Variants in KCNB2 observed in about 807,000 individuals in gnomAD.
KCNB2 encodes the protein delayed rectifier potassium channel protein.
Under a neutral mutation model 61.5 loss-of-function variants are expected in KCNB2, and 15 were observed. That is an observed-to-expected ratio of 0.24 (90% confidence interval 0.16 to 0.38). The LOEUF (loss-of-function observed/expected upper bound fraction) is 0.38. Ranked by LOEUF, KCNB2 falls within the 10% of genes least tolerant of loss-of-function variation. KCNB2 has a pLI of 1.00. For synonymous variants in KCNB2, 457 were observed against 446.0 expected, an observed-to-expected ratio of 1.02 and a Z score of -0.31; for missense variants, 828 against 1,125.2, an observed-to-expected ratio of 0.74 and a Z score of 3.78.
chr8:72,660,876 T>A (rs1806369478), intron 2 of KCNB2: 1 of 152,236 alleles, frequency 6.6e-6, no homozygotes, highest in African/African-American at 2.4e-5. Context: ...AAGTTTCTCC[T>A]GGAGTTTTTG....
intron 2 of KCNB2, among the ~76,000 whole-genome samples, chr8:72,875,538 C>CTTTTTTTTTTTTTT (rs1202722527): frequency 1.3e-4 from 1 of 7,650 alleles, no homozygotes; most frequent in Admixed American, 8.9e-4. Context: ...CATTGCAAAT[C>CTTTTTTTTTTTTTT]TTTTTTTTTT....
intron 2 of KCNB2, among the ~76,000 whole-genome samples, chr8:72,731,284 A>T (rs1446670582): frequency 6.6e-6 from 1 of 152,204 alleles, no homozygotes; most frequent in East Asian, 1.9e-4. Context: ...TATATCAGTG[A>T]TGAATAGTTC....
intron 2 of KCNB2, among the ~76,000 whole-genome samples, chr8:72,594,746 T>A (rs1362887642): frequency 1.3e-5 from 2 of 152,196 alleles, no homozygotes; most frequent in Non-Finnish European, 2.9e-5. Context: ...ATCCCTGCCC[T>A]ACATGTTACT....
At chr8:72,811,405 G>A (rs1440342) in intron 2 of KCNB2, among the ~76,000 whole-genome samples, 19,864 of 151,824 alleles carry the variant, frequency 0.13, 1,630 homozygotes, top group East Asian at 0.41. Flanking sequence ...ATCTTTTCAC[G>A]TGTCCAAGTC....
intron 1 of KCNB2, among the ~76,000 whole-genome samples, chr8:72,553,401 C>G (rs978341339): frequency 2.4e-4 from 36 of 151,886 alleles, no homozygotes; most frequent in African/African-American, 8.7e-4. Flanking sequence ...AGGCAAAAAT[C>G]TGAAATATCA....
chr8:72,843,291 G>T (rs1809926798), intron 2 of KCNB2, among the ~76,000 whole-genome samples: 1 of 152,158 alleles, frequency 6.6e-6, no homozygotes, highest in Non-Finnish European at 1.5e-5. Flanking sequence ...TTGTACTGTG[G>T]TCTGAGAGAC....
At position 72,567,805 on chromosome 8, in the gene KCNB2, C is replaced by A; in HGVS notation, c.71C>A (p.Pro24His). 1 of 1,613,034 alleles carries A rather than the reference C, an allele frequency of 6.2e-7. No homozygotes were observed. Among genetic ancestry groups the A allele is most frequent in the Non-Finnish European group, 8.5e-7 (1 of 1,179,686 alleles). Residue 24 changes from proline (P) to histidine (H), a missense_variant, in exon 2 of 3, where the codon CCT becomes CAT. This residue lies in a region of KCNB2 where 62 missense variants were observed against 54.8 expected (regional missense o/e 1.13). Transcript: ENST00000523207. ...SRSTLSLPPEPVDIIRSKTCS... is the reference protein window; with the variant it reads ...SRSTLSLPPEHVDIIRSKTCS... ...TCGACACTTTCCCTTCCTCCAGAGC[C>A]TGTGGACATTATCCGGAGCAAAACA...
At chr8:72,645,441 C>T (rs1166598886) in intron 2 of KCNB2, among the ~76,000 whole-genome samples, 2 of 152,060 alleles carry the variant, frequency 1.3e-5, no homozygotes, top group Non-Finnish European at 2.9e-5. Context: ...TATATCACAG[C>T]CCCAATCCTG....
intron 2 of KCNB2, among the ~76,000 whole-genome samples, chr8:72,794,954 C>T (rs1809007834): frequency 6.6e-6 from 1 of 152,188 alleles, no homozygotes; most frequent in South Asian, 2.1e-4. Context: ...AAAGTTGTGT[C>T]TCCATTTTAG....
At chr8:72,822,548 T>G (rs1215716363) in intron 2 of KCNB2, among the ~76,000 whole-genome samples, 5 of 152,174 alleles carry the variant, frequency 3.3e-5, no homozygotes, top group Non-Finnish European at 7.4e-5. Context: ...ACCACCCTAG[T>G]CCAGGTGCCA....
intron 2 of KCNB2, among the ~76,000 whole-genome samples, chr8:72,916,991 G>A (rs1398691000): frequency 1.3e-5 from 2 of 152,170 alleles, no homozygotes; most frequent in Non-Finnish European, 2.9e-5. Context: ...GGCAACATTC[G>A]AGCTGGAAAA....
chr8:72,908,450 CA>C (rs1806221751), intron 2 of KCNB2, among the ~76,000 whole-genome samples: 1 of 152,148 alleles, frequency 6.6e-6, no homozygotes, highest in Admixed American at 6.6e-5. Context: ...GTACCTGGCC[CA>C]CAATACTGCT....
intron 2 of KCNB2, among the ~76,000 whole-genome samples, chr8:72,800,536 A>C (rs1374235550): frequency 6.6e-6 from 1 of 152,180 alleles, no homozygotes; most frequent in East Asian, 1.9e-4. Context: ...CAATGAGGCC[A>C]ATAGCTCACT....
intron 2 of KCNB2, among the ~76,000 whole-genome samples, chr8:72,597,616 A>G (rs955498254): frequency 6.6e-6 from 1 of 152,156 alleles, no homozygotes; most frequent in Non-Finnish European, 1.5e-5. Context: ...CTTAGCAGAG[A>G]GGTAGAGCAT....
chr8:72,567,806 T>C lies in KCNB2; in HGVS notation c.72T>C (p.Pro24=). 6.2e-7 allele frequency: 1 copy of C among 1,613,132 alleles called. No individual in the cohort carries two copies. The highest frequency in any genetic ancestry group is 8.5e-7 in the Non-Finnish European group (1 of 1,179,714). ...CGACACTTTCCCTTCCTCCAGAGCCTGTGGACATTATCCGGAGCAAAACAT... is the reference window on the plus strand; with the variant it reads ...CGACACTTTCCCTTCCTCCAGAGCCCGTGGACATTATCCGGAGCAAAACAT... ...SRSTLSLPPE[P]VDIIRSKTCS... is the part of the protein sequence containing the mutation. The change falls in exon 2 of 3, where the codon CCT becomes CCC. Residue 24 remains proline (P), a synonymous_variant. Transcript: ENST00000523207.
At chr8:72,671,031 A>C (rs998300078) in intron 2 of KCNB2, among the ~76,000 whole-genome samples, 4 of 152,202 alleles carry the variant, frequency 2.6e-5, no homozygotes, top group African/African-American at 9.6e-5. Context: ...TTGTACCTAC[A>C]TAATAAAGTT....
chr8:72,885,824 A>G (rs185758159), intron 2 of KCNB2, among the ~76,000 whole-genome samples: 716 of 152,174 alleles, frequency 4.7e-3, no homozygotes, highest in Middle Eastern at 0.014. Context: ...ATGTAGGGCT[A>G]TTTCTAAATA....
chr8:72,636,783 A>G (rs1042021118), intron 2 of KCNB2, among the ~76,000 whole-genome samples: 3 of 152,194 alleles, frequency 2.0e-5, no homozygotes, highest in Non-Finnish European at 4.4e-5. Context: ...AGTTCAAATT[A>G]TAGATCAGAT....
chr8:72,567,542 G>A (rs895323882), intron 1 of KCNB2, 100 bp from the exon 2 acceptor site: 3 of 515,342 alleles, frequency 5.8e-6, no homozygotes, highest in East Asian at 3.0e-5. Flanking sequence ...GTATTCAGTC[G>A]TTAATATTGT....
Sources: allele counts gnomAD v4.1 joint callset (sites outside exome capture counted in the v4.1 genomes callset), GRCh38; gene constraint gnomAD v4.1.1; regional missense constraint gnomAD v4.1.1; transcripts MANE v1.5; gene names NCBI Gene and HGNC (gene_info 2026-07-23, HGNC 2026-07-21).